MORC2: variants seen among roughly 807,000 people sequenced by gnomAD.
The protein encoded by MORC2 is ATPase MORC2.
A neutral mutation model predicts 136.0 loss-of-function variants in MORC2; 30 were observed. That is an observed-to-expected ratio of 0.22 (90% CI 0.17 to 0.30). The LOEUF is 0.30. MORC2 is among the 10% of genes least tolerant of loss of function. The pLI is 1.00. For synonymous variants in MORC2, 439 were observed against 487.0 expected (o/e 0.90, Z 1.30); for missense variants, 922 against 1,333.1 (o/e 0.69, Z 4.80).
At chr22:30,950,212 A>C (rs2040867792) in intron 4 of MORC2, among the ~76,000 whole-genome samples, 165 bp downstream of exon 4, 1 of 152,222 alleles carries the variant, frequency 6.6e-6, no homozygotes, top group Non-Finnish European at 1.5e-5. Flanking sequence ...CAAATACATT[A>C]GTAGAATTAA....
At chr22:30,931,253 G>A (rs1218338232) in intron 24 of MORC2, among the ~76,000 whole-genome samples, 1 of 152,228 alleles carries the variant, frequency 6.6e-6, no homozygotes, top group Non-Finnish European at 1.5e-5. Flanking sequence ...CCTGCCAAGT[G>A]TTTTTGTAAA....
chr22:30,940,877 G>T, intron 9 of MORC2, 40 bp from the exon 10 acceptor site: 1 of 1,550,832 alleles, frequency 6.4e-7, no homozygotes, highest in Non-Finnish European at 8.9e-7. Context: ...CCACGCAGCA[G>T]TGGGGCAGGT....
At position 30,941,111 on chromosome 22, in the gene MORC2, C is replaced by T. The variant is rs930381355; in HGVS notation, c.825-274G>A. Among the ~76,000 whole-genome samples, 1 of 152,170 alleles carries T rather than the reference C, an allele frequency of 6.6e-6. No homozygotes were observed. The highest frequency in any genetic ancestry group is 1.5e-5 in the Non-Finnish European group (1 of 68,042). On this transcript the variant is annotated intron_variant, in intron 9 of 25. Coordinates refer to ENST00000397641, the MANE Select transcript of MORC2 (RefSeq NM_001303256.3). The surrounding 1 kb of genome is among the most constrained non-coding windows in gnomAD (Gnocchi z 4.6). ...ACAAACCTCAGGAGTAAGCCAAGCCCACTGCTTTCCTATATAGTGTCTAAA... is the reference window on the plus strand; with the variant it reads ...ACAAACCTCAGGAGTAAGCCAAGCCTACTGCTTTCCTATATAGTGTCTAAA...
At position 30,937,105 on chromosome 22, in the gene MORC2, C is replaced by T; in HGVS notation, c.1499-68G>A. The T allele has an allele frequency of 1.8e-6, 2 of 1,128,510 alleles. No individual in the cohort carries two copies. The highest frequency in any genetic ancestry group is 2.7e-6 in the Non-Finnish European group (2 of 749,726). 69.9% of individuals were successfully genotyped at this position (1,128,510 alleles called of 1,614,324 possible). The stretch of plus-strand genomic sequence containing the variant: ...AACTCTATCTGTAATCCGGGTTCCT[C>T]ACAGGCCCACCACAATGATGCCCCA... On this transcript the variant is annotated intron_variant, in intron 15 of 25. Transcript: ENST00000397641. This position sits in a 1 kb window ranked among gnomAD's most constrained non-coding sequence, Gnocchi z 4.7.
rs2040626724 is a variant in MORC2, at chr22:30,934,765, A to G, written c.2193+16T>C. On this transcript the variant is annotated intron_variant, in intron 19 of 25. Transcript: ENST00000397641. The surrounding 1 kb of genome is among the most constrained non-coding windows in gnomAD (Gnocchi z 4.4). ...CTGACACTGGGCTGGGGTATTAAAG[A>G]GGACAAGCGTCTCACCGGGGAGAGT... 1 of 1,612,528 alleles carries G rather than the reference A, an allele frequency of 6.2e-7. No homozygotes were observed.
In MORC2 at chr22:30,936,721, T is replaced by C. The variant is rs530906018; in HGVS notation, c.1605-78A>G. 9.6e-4 allele frequency: 1,503 copies of C among 1,560,356 alleles called. 2 individuals are homozygous for C. The highest frequency in any genetic ancestry group is 1.2e-3 in the Non-Finnish European group (1,417 of 1,152,492). ...CAAGGACCTTTCTCTTCAGCCAGTC[T>C]ACACTGTCTGTCACAAGAGCAACCA... On this transcript the variant is annotated intron_variant, in intron 16 of 25. Coordinates refer to ENST00000397641, the MANE Select transcript of MORC2 (RefSeq NM_001303256.3).
chr22:30,939,828 ACTT>A, intron 11 of MORC2, 122 bp from the exon 12 acceptor site: 1 of 1,331,504 alleles, frequency 7.5e-7, no homozygotes, highest in Non-Finnish European at 1.0e-6. Context: ...CTGGAAATTT[ACTT>A]CTTTCTACAG....
rs900370285 is a variant in MORC2, at chr22:30,939,891, A to AG, written c.987+67dup. 28 of 1,514,804 alleles carry AG rather than the reference A, an allele frequency of 1.8e-5. No homozygotes were observed. The Middle Eastern group carries it at 9.1e-4, about 49-fold the overall frequency. The allele number at this position is 1,514,804 out of a possible 1,614,324, so 93.8% of individuals were successfully genotyped here. A position where few individuals can be genotyped will look rare whatever the true frequency, so the allele number is the denominator to read the frequency against. On this transcript the variant is annotated intron_variant, in intron 11 of 25. Coordinates refer to ENST00000397641, the MANE Select transcript of MORC2 (RefSeq NM_001303256.3). ...CTCAAAAGCTGTGTTTTACTTGACCAGGCTCATGGGACATGGGCTCCTAGT... is the reference window on the plus strand; with the variant it reads ...CTCAAAAGCTGTGTTTTACTTGACCAGGGCTCATGGGACATGGGCTCCTAGT...
At position 30,968,396 on chromosome 22, in the gene MORC2, C is replaced by T. The variant is rs2041162445; in HGVS notation, c.-507G>A. 6.5e-6 allele frequency: 1 copy of T among 153,668 alleles called. No individual in the cohort carries two copies. The highest frequency in any genetic ancestry group is 1.4e-5 in the Non-Finnish European group (1 of 69,034). 9.5% of individuals were successfully genotyped at this position (153,668 alleles called of 1,614,324 possible). On this transcript the variant is annotated 5_prime_UTR_variant, in exon 1 of 26. Coordinates refer to ENST00000397641, the MANE Select transcript of MORC2 (RefSeq NM_001303256.3). The stretch of plus-strand genomic sequence containing the variant: ...GTGATGCCAGGATTCTTAAACAGGC[C>T]CAAGACCGGAGACCAAGATGTCGAC...
chr22:30,938,625 A>G, intron 12 of MORC2, among the ~76,000 whole-genome samples: 1 of 152,192 alleles, frequency 6.6e-6, no homozygotes, highest in East Asian at 1.9e-4. Flanking sequence ...GCTGGAGTGC[A>G]GTGGTGCGAT....
Position 30,940,823 on chromosome 22 carries a change from G to C in MORC2, c.839C>G (p.Thr280Arg). The stretch of plus-strand genomic sequence containing the variant: ...CGCACGGGTCTTGAAACGGCTTGAC[G>C]TGTACTTGTACATCCTGATCAGTAG... The part of the protein sequence containing the change: ...CLYKPRMYKY[T>R]SSRFKTRAEQ... The change falls in exon 10 of 26, where the codon ACG becomes AGG. Residue 280 changes from threonine to arginine, a missense_variant. By Grantham distance (71) the Thr-to-Arg change is moderately conservative. Transcript: ENST00000397641. The C allele has an allele frequency of 6.2e-7, 1 of 1,614,006 alleles. No individual in the cohort carries two copies. Among genetic ancestry groups the C allele is most frequent in the Non-Finnish European group, 8.5e-7 (1 of 1,179,976 alleles).
intron 6 of MORC2, among the ~76,000 whole-genome samples, 153 bp from the exon 7 acceptor site, chr22:30,942,424 C>A (rs892065234): frequency 3.9e-5 from 6 of 152,194 alleles, no homozygotes; most frequent in Admixed American, 3.9e-4. Flanking sequence ...GCTCTGTGAG[C>A]TTCAGGGCTT....
intron 24 of MORC2, chr22:30,930,019 A>G (rs536604262): frequency 2.0e-5 from 3 of 152,120 alleles, no homozygotes; most frequent in Non-Finnish European, 4.4e-5. Context: ...CATCTGGCTA[A>G]TATTTTTTGT....
chr22:30,943,530 A>G (rs2040771618), intron 6 of MORC2, among the ~76,000 whole-genome samples: 1 of 152,182 alleles, frequency 6.6e-6, no homozygotes, highest in Admixed American at 6.5e-5. Context: ...CTCATATGCC[A>G]CTTCCCCAGA....
At chr22:30,961,765 A>C (rs188778182) in intron 1 of MORC2, among the ~76,000 whole-genome samples, 1 of 152,274 alleles carries the variant, frequency 6.6e-6, no homozygotes, top group East Asian at 1.9e-4. Flanking sequence ...CTCTGCCATT[A>C]GGACAAGAAA....
Position 30,958,612 on chromosome 22 carries a change from CACAGATTGTATGCCTGAAG to C in MORC2, c.122+10_122+28del. On this transcript the variant is annotated intron_variant, in intron 2 of 25. Coordinates refer to ENST00000397641, the MANE Select transcript of MORC2 (RefSeq NM_001303256.3). ...CTACCTAAAGTGTTTCCACTTCAAG[CACAGATTGTATGCCTGAAG>C]ACTACATACCTTGCATTATCAACCA... 6.5e-7 allele frequency: 1 copy of C among 1,530,656 alleles called. No individual in the cohort carries two copies. Among genetic ancestry groups the C allele is most frequent in the Non-Finnish European group, 8.8e-7 (1 of 1,130,580 alleles). 94.8% of individuals were successfully genotyped at this position (1,530,656 alleles called of 1,614,324 possible).
At chr22:30,927,155 C>T (rs2040497953) in intron 25 of MORC2, among the ~76,000 whole-genome samples, 1 of 152,070 alleles carries the variant, frequency 6.6e-6, no homozygotes, top group Non-Finnish European at 1.5e-5. Context: ...GCCCACTTCT[C>T]TCCCTTCTCT....
In MORC2 at chr22:30,935,363, A is replaced by C. The variant is rs774670755; in HGVS notation, c.1738-41T>G. On this transcript the variant is annotated intron_variant, in intron 17 of 25. Transcript: ENST00000397641. ...CATGATGAAGTTGTTTGCATATTTT[A>C]GTATACTTGAGCAAACTTTTTGGAT... 11 of 1,585,920 alleles carry C rather than the reference A, an allele frequency of 6.9e-6. No homozygotes were observed. The Admixed American group carries it at 1.4e-4, about 20-fold the overall frequency.
At chr22:30,939,742 C>T in intron 11 of MORC2, 36 bp from the exon 12 acceptor site, 1 of 1,587,322 alleles carries the variant, frequency 6.3e-7, no homozygotes, top group Non-Finnish European at 8.6e-7. Flanking sequence ...GGAGGTGGCA[C>T]TCTAGGCCAC....
Sources: gnomAD v4.1 joint callset for allele counts (sites outside exome capture counted in the v4.1 genomes callset) on GRCh38, gnomAD v4.1.1 for gene constraint, Gnocchi (gnomAD v3.1) non-coding constraint, MANE v1.5 for transcripts, NCBI Gene and HGNC (gene_info 2026-07-23, HGNC 2026-07-21) for gene names.